Variants in CDH12 observed in about 807,000 individuals in gnomAD.
The protein encoded by CDH12 is cadherin 12.
CDH12 carries 41 observed loss-of-function variants against 74.1 expected under a neutral mutation model. The observed-to-expected ratio is 0.55, with a 90% confidence interval of 0.43 to 0.72. CDH12 has a LOEUF of 0.72. Among genes scored for constraint, CDH12 ranks in the 30% least tolerant of loss-of-function variants. The pLI is 0.00. For missense variants in CDH12, 945 were observed against 977.2 expected (o/e 0.97, Z 0.44); for synonymous variants, 399 against 355.0 (o/e 1.12, Z -1.39).
intron 13 of CDH12, among the ~76,000 whole-genome samples, chr5:21,758,724 G>A (rs554122259): frequency 2.0e-5 from 3 of 152,214 alleles, no homozygotes; most frequent in African/African-American, 7.2e-5. Flanking sequence ...AGCAGCAGTA[G>A]GATTGATGGC....
intron 10 of CDH12, among the ~76,000 whole-genome samples, chr5:21,786,152 G>A (rs1746186487): frequency 6.6e-6 from 1 of 151,990 alleles, no homozygotes. Flanking sequence ...TCACAGCATG[G>A]TTTATTAATT....
At position 22,636,668 on chromosome 5, in the gene CDH12, G is replaced by T. The variant is rs570320256; in HGVS notation, c.-522-131304C>A. On this transcript the variant is annotated intron_variant, in intron 1 of 14. Transcript: ENST00000382254. ...TGTGAATGACAATGTCTGAGGGAGG[G>T]TCAATGGGGAATGATGGCTAATGGT... 3.3e-5 allele frequency among the ~76,000 whole-genome samples: 5 copies of T among 152,254 alleles called. No homozygotes were observed. The South Asian group carries it at 1.0e-3, about 32-fold the overall frequency.
intron 4 of CDH12, among the ~76,000 whole-genome samples, chr5:22,164,260 T>TA (rs1748538018): frequency 6.6e-6 from 1 of 152,108 alleles, no homozygotes; most frequent in Non-Finnish European, 1.5e-5. Context: ...GGCCATGCAG[T>TA]GAGTGTTATA....
chr5:21,883,654 C>A, intron 6 of CDH12: 2 of 1,611,796 alleles, frequency 1.2e-6, no homozygotes, highest in South Asian at 2.2e-5. Context: ...AAAGACGATG[C>A]CATGCTCTTA....
At chr5:22,628,317 A>T (rs1241768117) in intron 1 of CDH12, among the ~76,000 whole-genome samples, 1 of 152,102 alleles carries the variant, frequency 6.6e-6, no homozygotes, top group Non-Finnish European at 1.5e-5. Context: ...CTGCGCATGA[A>T]CTATGCTATA....
intron 1 of CDH12, among the ~76,000 whole-genome samples, chr5:22,759,141 G>A (rs1426637789): frequency 6.6e-6 from 1 of 151,956 alleles, no homozygotes; most frequent in African/African-American, 2.4e-5. Flanking sequence ...TGGCAACCTG[G>A]ACTTCTGACT....
intron 1 of CDH12, among the ~76,000 whole-genome samples, chr5:22,512,561 T>A (rs1019074320): frequency 6.6e-6 from 1 of 151,952 alleles, no homozygotes; most frequent in African/African-American, 2.4e-5. Flanking sequence ...CCAAGACTAA[T>A]ATCAGCTGAG....
Position 22,259,798 on chromosome 5 carries a change from A to G in CDH12, c.-332-47155T>C, listed in dbSNP as rs960089214. ...GCCTTGGAGAACAAACTACTCAAGT[A>G]TAATTAATTCAGCCTTTGCTGAGGT... On this transcript the variant is annotated intron_variant, in intron 3 of 14. Coordinates refer to ENST00000382254, the MANE Select transcript of CDH12 (RefSeq NM_004061.5). Among the ~76,000 whole-genome samples, 5 of 152,184 alleles carry G rather than the reference A, an allele frequency of 3.3e-5. No individual in the cohort carries two copies. The East Asian group carries it at 9.7e-4, about 29-fold the overall frequency.
chr5:21,769,697 A>C (rs1237927910), intron 11 of CDH12, among the ~76,000 whole-genome samples: 1 of 152,144 alleles, frequency 6.6e-6, no homozygotes, highest in African/African-American at 2.4e-5. Flanking sequence ...TGAATTTTAA[A>C]TATAAAAGAG....
At chr5:22,692,754 C>T (rs187913) in intron 1 of CDH12, among the ~76,000 whole-genome samples, 1 of 152,054 alleles carries the variant, frequency 6.6e-6, no homozygotes, top group Non-Finnish European at 1.5e-5. Context: ...GCTTTATTTT[C>T]TTTCCTGCAT....
chr5:21,951,691 T>C (rs928063144), intron 6 of CDH12, among the ~76,000 whole-genome samples: 1 of 152,274 alleles, frequency 6.6e-6, no homozygotes, highest in South Asian at 2.1e-4. Flanking sequence ...CAGCTTTCTC[T>C]ATGCTAAAAG....
intron 1 of CDH12, among the ~76,000 whole-genome samples, chr5:22,720,189 G>T (rs950639822): frequency 7.9e-5 from 12 of 152,100 alleles, no homozygotes; most frequent in African/African-American, 2.9e-4. Flanking sequence ...TGATTGAATC[G>T]TGGGGGGCAG....
In CDH12 at chr5:22,819,507, G is replaced by C. The variant is rs1749560894; in HGVS notation, c.-523+33551C>G. Among the ~76,000 whole-genome samples the C allele has an allele frequency of 2.0e-5, 3 of 152,002 alleles. No individual in the cohort carries two copies. The South Asian group carries it at 6.2e-4, about 31-fold the overall frequency. ...ATATTCTGGGCTACAACTTCCATTAGACATCCAGAAAAGAAATGCAAATTT... is the reference window on the plus strand; with the variant it reads ...ATATTCTGGGCTACAACTTCCATTACACATCCAGAAAAGAAATGCAAATTT... On this transcript the variant is annotated intron_variant, in intron 1 of 14. Transcript: ENST00000382254.
intron 3 of CDH12, among the ~76,000 whole-genome samples, chr5:22,255,222 T>A (rs577498317): frequency 6.6e-6 from 1 of 152,020 alleles, no homozygotes; most frequent in South Asian, 2.1e-4. Flanking sequence ...GTGACCTTTT[T>A]AATTGTGAAG....
intron 5 of CDH12, 43 bp downstream of exon 5, chr5:22,078,403 C>G (rs779589674): frequency 1.3e-6 from 2 of 1,553,070 alleles, no homozygotes; most frequent in South Asian, 1.1e-5. Context: ...AATGCATATT[C>G]CCCCTTCCTA....
chr5:21,834,289 A>C (rs1357515165), intron 8 of CDH12, among the ~76,000 whole-genome samples: 1 of 151,910 alleles, frequency 6.6e-6, no homozygotes, highest in Non-Finnish European at 1.5e-5. Context: ...ATAAACACAC[A>C]CAACATCAAA....
At chr5:22,224,161 T>C (rs1752112318) in intron 3 of CDH12, among the ~76,000 whole-genome samples, 1 of 152,018 alleles carries the variant, frequency 6.6e-6, no homozygotes, top group South Asian at 2.1e-4. Flanking sequence ...AACCAGCAAC[T>C]CTTCTAGATC....
At chr5:22,451,946 A>G (rs1016546000) in intron 2 of CDH12, among the ~76,000 whole-genome samples, 2 of 151,928 alleles carry the variant, frequency 1.3e-5, no homozygotes, top group African/African-American at 4.8e-5. Flanking sequence ...AACTATCTGA[A>G]CAAGTAATCA....
chr5:22,189,853 C>CT (rs989934538), intron 4 of CDH12, among the ~76,000 whole-genome samples: 1 of 151,894 alleles, frequency 6.6e-6, no homozygotes, highest in African/African-American at 2.4e-5. Context: ...CACATCTTCC[C>CT]CCCGCCTATC....
Sources: allele counts gnomAD v4.1 joint callset (sites outside exome capture counted in the v4.1 genomes callset), GRCh38; gene constraint gnomAD v4.1.1; transcripts MANE v1.5; gene names NCBI Gene and HGNC (gene_info 2026-07-23, HGNC 2026-07-21).